The following ACP3 variants were observed in gnomAD, a reference collection of about 807,000 sequenced individuals.
The protein encoded by ACP3 is prostatic acid phosphatase.
ACP3 carries 38 observed loss-of-function variants against 45.6 expected under a neutral mutation model. The ratio of observed to expected loss-of-function variants is 0.83; its 90% CI spans 0.64 to 1.09. The LOEUF is 1.09. Ranked by LOEUF, ACP3 falls within the 50% of genes least tolerant of loss-of-function variation. ACP3 has a pLI of 0.00. For missense variants in ACP3, 466 were observed against 463.2 expected (o/e 1.01, Z -0.05); for synonymous variants, 162 against 164.7 (o/e 0.98, Z 0.13).
At position 132,357,827 on chromosome 3, in the gene ACP3, A is replaced by C. The variant is rs1937944415; in HGVS notation, c.*949A>C. The C allele has an allele frequency of 1.3e-6, 1 of 774,898 alleles. No homozygotes were observed. The highest frequency in any genetic ancestry group is 5.9e-5 in the South Asian group (1 of 17,000). 48.0% of individuals were successfully genotyped at this position (774,898 alleles called of 1,614,324 possible). A position where few individuals can be genotyped will look rare whatever the true frequency, so the allele number is the denominator to read the frequency against. On this transcript the variant is annotated 3_prime_UTR_variant, in exon 10 of 10. Coordinates refer to ENST00000336375, the MANE Select transcript of ACP3 (RefSeq NM_001099.5). ...GGTGGGCAGATCACTTGAGCTCAGG[A>C]GGTCAAGATCAGCCTGGGCAACATG...
intron 9 of ACP3, among the ~76,000 whole-genome samples, chr3:132,356,177 A>C (rs772114194): frequency 1.8e-4 from 28 of 152,236 alleles, no homozygotes; most frequent in Non-Finnish European, 3.5e-4. Flanking sequence ...CTTGCTGTAT[A>C]TTCAAGCACA....
intron 1 of ACP3, among the ~76,000 whole-genome samples, chr3:132,327,396 C>G (rs71315646): frequency 0.059 from 8,894 of 151,160 alleles, 815 homozygotes; most frequent in East Asian, 0.49. Context: ...TGCCTGTAAT[C>G]CCAGCTTCTC....
intron 10 of ACP3, among the ~76,000 whole-genome samples, chr3:132,367,295 A>C (rs1938147015): frequency 6.6e-6 from 1 of 152,232 alleles, no homozygotes; most frequent in South Asian, 2.1e-4. Flanking sequence ...TTTACCTAAA[A>C]ATCAAATTTA....
Position 132,357,406 on chromosome 3 carries a change from AC to A in ACP3, c.*529del, listed in dbSNP as rs1559844153. On this transcript the variant is annotated 3_prime_UTR_variant, in exon 10 of 10. Transcript: ENST00000336375. Reference sequence around the variant, plus strand: ...TCAAGGAGAGGCAAAGAAAGGAGATACAGTGGAGACATCTGGAAAGTTTTCT... The same window carrying A: ...TCAAGGAGAGGCAAAGAAAGGAGATAAGTGGAGACATCTGGAAAGTTTTCT... 3.0e-6 allele frequency: 3 copies of A among 985,392 alleles called. No homozygotes were observed. In the East Asian group the frequency reaches 3.4e-4, roughly 112 times the overall value. The allele number at this position is 985,392 out of a possible 1,614,324, so 61.0% of individuals were successfully genotyped here. A position where few individuals can be genotyped will look rare whatever the true frequency, so the allele number is the denominator to read the frequency against.
At chr3:132,342,913 C>T (rs1937568536) in intron 6 of ACP3, among the ~76,000 whole-genome samples, 1 of 152,064 alleles carries the variant, frequency 6.6e-6, no homozygotes, top group East Asian at 1.9e-4. Context: ...GTTTTTTCCC[C>T]CCTTGGATTC....
chr3:132,320,118 T>C (rs1055365197), intron 1 of ACP3, among the ~76,000 whole-genome samples: 1 of 152,206 alleles, frequency 6.6e-6, no homozygotes, highest in Non-Finnish European at 1.5e-5. Context: ...AAGGTCTCTT[T>C]AATGCAGTAA....
chr3:132,356,657 G>C (rs1293268293), intron 9 of ACP3, 29 bp from the exon 10 acceptor site: 1 of 1,612,692 alleles, frequency 6.2e-7, no homozygotes, highest in Admixed American at 1.7e-5. Context: ...AGAACTAACA[G>C]AGCTCTCTCC....
chr3:132,356,628 A>T (rs7647687), intron 9 of ACP3, 58 bp from the exon 10 acceptor site: 258,121 of 1,606,494 alleles, frequency 0.16, 22,233 homozygotes, highest in Non-Finnish European at 0.18. Context: ...AAAGAAATTC[A>T]GTGGCAGTTC....
At chr3:132,349,077 A>G (rs938821491) in intron 7 of ACP3, among the ~76,000 whole-genome samples, 1 of 150,724 alleles carries the variant, frequency 6.6e-6, no homozygotes, top group African/African-American at 2.4e-5. Flanking sequence ...AAAGAGACCA[A>G]CAGAGACACC....
At position 132,358,456 on chromosome 3, in the gene ACP3, A is replaced by T. The variant is rs1261031546; in HGVS notation, c.*1578A>T. 1 of 1,276,312 alleles carries T rather than the reference A, an allele frequency of 7.8e-7. No homozygotes were observed. The highest frequency in any genetic ancestry group is 1.0e-6 in the Non-Finnish European group (1 of 981,484). 79.1% of individuals were successfully genotyped at this position (1,276,312 alleles called of 1,614,324 possible). A position where few individuals can be genotyped will look rare whatever the true frequency, so the allele number is the denominator to read the frequency against. On this transcript the variant is annotated 3_prime_UTR_variant, in exon 10 of 10. Transcript: ENST00000336375. Reference sequence around the variant, plus strand: ...GCCCACTCTGCAAGAAGAAATCATGATATAGCTTTGCCATGTGGCAGATCT... The same window carrying T: ...GCCCACTCTGCAAGAAGAAATCATGTTATAGCTTTGCCATGTGGCAGATCT...
rs932317816 is a variant in ACP3 at position 132,358,825 on chromosome 3, C to G, written c.*1947C>G. 2.2e-5 allele frequency: 22 copies of G among 985,190 alleles called. No homozygotes were observed. The highest frequency in any genetic ancestry group is 5.2e-4 in the Middle Eastern group (1 of 1,936). The allele number at this position is 985,190 out of a possible 1,614,324, so 61.0% of individuals were successfully genotyped here. ...TGTGTTTAATTAGAATAAAATTCCT[C>G]TAGGCAGATTTCAGGAGCTCCCTTT... On this transcript the variant is annotated 3_prime_UTR_variant, in exon 10 of 10. Transcript: ENST00000336375.
At chr3:132,350,289 G>A (rs1937696340) in intron 8 of ACP3, among the ~76,000 whole-genome samples, 1 of 152,200 alleles carries the variant, frequency 6.6e-6, no homozygotes, top group Admixed American at 6.5e-5. Context: ...CCAAGAGGGT[G>A]GAGAAGAGAA....
chr3:132,337,796 G>C (rs1937514466), intron 5 of ACP3, among the ~76,000 whole-genome samples: 1 of 152,206 alleles, frequency 6.6e-6, no homozygotes, highest in South Asian at 2.1e-4. Context: ...TTTACTCATG[G>C]CCTTGAGAGG....
chr3:132,352,199 T>TA (rs1937757703), intron 8 of ACP3, among the ~76,000 whole-genome samples: 1 of 152,074 alleles, frequency 6.6e-6, no homozygotes, highest in African/African-American at 2.4e-5. Context: ...TTATTATTTT[T>TA]AAAATTATTT....
intron 9 of ACP3, among the ~76,000 whole-genome samples, chr3:132,356,256 G>C (rs998192675): frequency 5.3e-5 from 8 of 151,920 alleles, no homozygotes; most frequent in African/African-American, 1.9e-4. Flanking sequence ...TTCAGAAAGA[G>C]GACTGAAAGA....
intron 5 of ACP3, 79 bp from the exon 6 acceptor site, chr3:132,342,473 A>G (rs1468864201): frequency 2.9e-6 from 3 of 1,032,188 alleles, no homozygotes; most frequent in East Asian, 2.4e-5. Context: ...ACAACAAACA[A>G]TTGTCTGGCC....
intron 10 of ACP3, among the ~76,000 whole-genome samples, chr3:132,367,524 A>G (rs1296087161): frequency 6.6e-6 from 1 of 152,218 alleles, no homozygotes; most frequent in Non-Finnish European, 1.5e-5. Flanking sequence ...ACTGGAACCT[A>G]GGTCATCTCC....
At position 132,330,941 on chromosome 3, in the gene ACP3, C is replaced by T. The variant is rs117001368; in HGVS notation, c.217-706C>T. On this transcript the variant is annotated intron_variant, in intron 2 of 9. Transcript: ENST00000336375. ...GAGGAATCTGCATTTCAACATGCAC[C>T]GCTGGATAATTTTGTTTCTGATGCA... Among the ~76,000 whole-genome samples, 171 of 152,216 alleles carry T rather than the reference C, an allele frequency of 1.1e-3. 3 individuals are homozygous for T. The East Asian group carries it at 0.022, about 19-fold the overall frequency.
intron 9 of ACP3, 27 bp from the exon 10 acceptor site, chr3:132,356,659 G>T: frequency 6.2e-7 from 1 of 1,612,902 alleles, no homozygotes. Flanking sequence ...AACTAACAGA[G>T]CTCTCTCCTC....
Sources: gnomAD v4.1 joint callset for allele counts (sites outside exome capture counted in the v4.1 genomes callset) on GRCh38, gnomAD v4.1.1 for gene constraint, MANE v1.5 for transcripts, NCBI Gene and HGNC (gene_info 2026-07-23, HGNC 2026-07-21) for gene names.